The following CXCL13 variants were observed in gnomAD, a reference collection of about 807,000 sequenced individuals.
CXCL13 encodes C-X-C motif chemokine ligand 13, also known as C-X-C motif chemokine 13.
A neutral mutation model predicts 12.2 loss-of-function variants in CXCL13; 7 were observed. That is an observed-to-expected ratio of 0.57 (90% CI 0.33 to 1.07). The LOEUF is 1.07. Among genes scored for constraint, CXCL13 ranks in the 50% least tolerant of loss-of-function variants. The pLI is 0.04. For missense variants in CXCL13, 113 were observed against 127.4 expected (o/e 0.89, Z 0.55); for synonymous variants, 47 against 42.4 (o/e 1.11, Z -0.42).
At chr4:77,597,809 CCCA>C (rs1726797648) in intron 1 of CXCL13, among the ~76,000 whole-genome samples, 1 of 152,180 alleles carries the variant, frequency 6.6e-6, no homozygotes, top group South Asian at 2.1e-4. Context: ...AGGCTGACCA[CCCA>C]CAGGGACTAC....
intron 1 of CXCL13, among the ~76,000 whole-genome samples, chr4:77,575,053 T>C (rs1726171320): frequency 6.6e-6 from 1 of 151,932 alleles, no homozygotes; most frequent in Non-Finnish European, 1.5e-5. Context: ...GCAAAAGAAA[T>C]TCTGTGTGTG....
intron 1 of CXCL13, among the ~76,000 whole-genome samples, chr4:77,599,727 A>G (rs115166327): frequency 6.6e-6 from 1 of 152,214 alleles, no homozygotes; most frequent in Non-Finnish European, 1.5e-5. Context: ...CACAGGGGAT[A>G]GTGGGAAGCC....
chr4:77,517,399 C>G (rs1445925403), intron 1 of CXCL13, among the ~76,000 whole-genome samples: 1 of 152,100 alleles, frequency 6.6e-6, no homozygotes, highest in Non-Finnish European at 1.5e-5. Flanking sequence ...CTAATGTTGA[C>G]AGTGGGGTGT....
At chr4:77,521,449 G>C (rs1018283600) in intron 1 of CXCL13, among the ~76,000 whole-genome samples, 2 of 152,146 alleles carry the variant, frequency 1.3e-5, no homozygotes, top group Non-Finnish European at 2.9e-5. Flanking sequence ...TCTTGGGAGG[G>C]TGTATGTGTC....
intron 1 of CXCL13, among the ~76,000 whole-genome samples, chr4:77,568,645 G>A (rs1725993401): frequency 6.6e-6 from 1 of 152,090 alleles, no homozygotes; most frequent in Admixed American, 6.6e-5. Context: ...GTTTGCTGTT[G>A]GCCACCCTGG....
intron 1 of CXCL13, among the ~76,000 whole-genome samples, chr4:77,594,542 T>C (rs1221374724): frequency 6.6e-6 from 1 of 151,074 alleles, no homozygotes; most frequent in Non-Finnish European, 1.5e-5. Flanking sequence ...CTGGCCATAA[T>C]AAAACATTTC....
intron 1 of CXCL13, among the ~76,000 whole-genome samples, chr4:77,567,674 T>A (rs576756672): frequency 6.6e-6 from 1 of 152,260 alleles, no homozygotes; most frequent in Admixed American, 6.5e-5. Context: ...CCTCTGGTCA[T>A]CCTCACTGCT....
At chr4:77,539,443 A>T (rs1314462597) in intron 1 of CXCL13, among the ~76,000 whole-genome samples, 1 of 152,030 alleles carries the variant, frequency 6.6e-6, no homozygotes, top group Non-Finnish European at 1.5e-5. Flanking sequence ...TGACCTTTTG[A>T]CTTGAGGTTT....
rs202112173 is a variant in CXCL13 at position 77,605,923 on chromosome 4, G to A, written c.58G>A (p.Val20Ile). ...LMLLVSSLSP[V>I]QGVLEVYYTS... ...GCTGCTGGTCAGCAGCCTCTCTCCA[G>A]TCCAAGGTGAGAAATTTCATTTACA... Residue 20 changes from valine to isoleucine, a missense_variant, in exon 1 of 4, where the codon GTC (valine) becomes ATC (isoleucine). Physicochemically the swap from Val to Ile is conservative, Grantham distance 29 (BLOSUM62 3). Transcript: ENST00000682537. 381 of 1,595,868 alleles carry A rather than the reference G, an allele frequency of 2.4e-4. 3 individuals are homozygous for A. In the Admixed American group the frequency reaches 6.3e-3, roughly 26 times the overall value.
At chr4:77,512,929 T>C (rs1010774743) in intron 1 of CXCL13, among the ~76,000 whole-genome samples, 35 of 152,128 alleles carry the variant, frequency 2.3e-4, no homozygotes, top group African/African-American at 8.2e-4. Flanking sequence ...ACCTCACCAC[T>C]CCCCCAACCC....
intron 1 of CXCL13, among the ~76,000 whole-genome samples, chr4:77,582,560 G>C (rs1040858190): frequency 6.6e-6 from 1 of 152,168 alleles, no homozygotes; most frequent in Non-Finnish European, 1.5e-5. Context: ...CGTGGGGGAA[G>C]CTTGACGTAG....
At chr4:77,576,971 A>C (rs570481776) in intron 1 of CXCL13, among the ~76,000 whole-genome samples, 4 of 152,294 alleles carry the variant, frequency 2.6e-5, no homozygotes, top group Non-Finnish European at 5.9e-5. Flanking sequence ...TTTTGCCTAC[A>C]TCTTAGACTA....
upstream of CXCL13, among the ~76,000 whole-genome samples, chr4:77,602,220 T>C (rs898591829): frequency 1.3e-5 from 2 of 152,226 alleles, no homozygotes; most frequent in South Asian, 2.1e-4. Context: ...GACATTTCAC[T>C]TTTTGATATC....
At chr4:77,540,642 T>C (rs1725175603) in intron 1 of CXCL13, among the ~76,000 whole-genome samples, 1 of 152,212 alleles carries the variant, frequency 6.6e-6, no homozygotes, top group Non-Finnish European at 1.5e-5. Flanking sequence ...GGTGTATATA[T>C]ACCATATTTT....
At chr4:77,544,706 C>T (rs530251508) in intron 1 of CXCL13, among the ~76,000 whole-genome samples, 46 of 152,308 alleles carry the variant, frequency 3.0e-4, no homozygotes, top group Non-Finnish European at 5.9e-4. Context: ...TGCCTGTTCA[C>T]TCTGATGGTA....
chr4:77,564,115 G>T (rs571927275), intron 1 of CXCL13, among the ~76,000 whole-genome samples: 1 of 152,272 alleles, frequency 6.6e-6, no homozygotes, highest in Non-Finnish European at 1.5e-5. Flanking sequence ...GGTCCCATTT[G>T]TATTAATTAA....
rs144597207 is a variant in CXCL13 at position 77,598,306 on chromosome 4, A to T, written c.-42-7518A>T. 8.4e-4 allele frequency among the ~76,000 whole-genome samples: 128 copies of T among 152,338 alleles called. 2 individuals are homozygous for T. Among genetic ancestry groups the T allele is most frequent in the African/African-American group, 3.0e-3 (125 of 41,590 alleles). On this transcript the variant is annotated intron_variant, in intron 1 of 4. Transcript: ENST00000286758. The stretch of plus-strand genomic sequence containing the variant: ...AGACTCTGCAGAGAGATTCAGCCAC[A>T]TCCATAGAGTTAACAGAGAGCAGTG...
At chr4:77,589,722 G>C (rs558048575) in intron 1 of CXCL13, among the ~76,000 whole-genome samples, 12 of 152,162 alleles carry the variant, frequency 7.9e-5, no homozygotes, top group Non-Finnish European at 1.5e-4. Context: ...CACAGAGTTG[G>C]CATTTGTTAA....
intron 1 of CXCL13, among the ~76,000 whole-genome samples, chr4:77,587,739 C>T (rs1385080876): frequency 1.3e-5 from 2 of 152,216 alleles, no homozygotes; most frequent in Non-Finnish European, 2.9e-5. Context: ...AGCCAGGATT[C>T]AAGTCGAAGT....
Sources: allele counts gnomAD v4.1 joint callset (sites outside exome capture counted in the v4.1 genomes callset), GRCh38; gene constraint gnomAD v4.1.1; transcripts MANE v1.5; gene names NCBI Gene and HGNC (gene_info 2026-07-23, HGNC 2026-07-21).